Variants in FILIP1L observed in about 807,000 individuals in gnomAD.
FILIP1L encodes the protein filamin A interacting protein 1 like.
FILIP1L carries 55 observed loss-of-function variants against 96.6 expected under a neutral mutation model. The observed-to-expected ratio is 0.57, with a 90% confidence interval of 0.46 to 0.71. The LOEUF is 0.71. FILIP1L is among the 30% of genes least tolerant of loss of function. FILIP1L has a pLI of 0.00. For synonymous variants in FILIP1L, 467 were observed against 473.9 expected (o/e 0.99, Z 0.19); for missense variants, 1,304 against 1,321.2 (o/e 0.99, Z 0.20).
chr3:99,938,615 T>G (rs1366033559), intron 1 of FILIP1L, among the ~76,000 whole-genome samples: 2 of 152,202 alleles, frequency 1.3e-5, no homozygotes, highest in African/African-American at 4.8e-5. Context: ...AAGATTTAGT[T>G]CCCTGAAAGA....
intron 1 of FILIP1L, among the ~76,000 whole-genome samples, chr3:100,050,055 A>C (rs1251583462): frequency 6.6e-6 from 1 of 152,176 alleles, no homozygotes; most frequent in Non-Finnish European, 1.5e-5. Context: ...CTAGTGGCCT[A>C]AGTGAAAAGG....
chr3:100,065,111 G>A (rs1576010952), intron 1 of FILIP1L, among the ~76,000 whole-genome samples: 1 of 152,088 alleles, frequency 6.6e-6, no homozygotes, highest in Non-Finnish European at 1.5e-5. Context: ...AGACAGTATG[G>A]AATGTATATA....
intron 1 of FILIP1L, among the ~76,000 whole-genome samples, chr3:99,947,032 G>A (rs1021678755): frequency 6.6e-6 from 1 of 151,642 alleles, no homozygotes; most frequent in Non-Finnish European, 1.5e-5. Context: ...AGATACTCGG[G>A]AGGCTGAGGC....
At chr3:99,961,380 C>T (rs1708485835) in intron 1 of FILIP1L, among the ~76,000 whole-genome samples, 1 of 152,058 alleles carries the variant, frequency 6.6e-6, no homozygotes, top group Non-Finnish European at 1.5e-5. Flanking sequence ...TAAAATGTAA[C>T]CTTTGATCAT....
chr3:100,002,179 A>G (rs753541632), intron 1 of FILIP1L, among the ~76,000 whole-genome samples: 5 of 152,174 alleles, frequency 3.3e-5, no homozygotes, highest in Admixed American at 6.5e-5. Flanking sequence ...TTTGGAGCTG[A>G]TGGTGTTGTA....
In FILIP1L at chr3:99,829,088, G is replaced by A. The variant is rs574748376; in HGVS notation, c.*1326C>T. On this transcript the variant is annotated 3_prime_UTR_variant, in exon 6 of 6. Coordinates refer to ENST00000477258, the MANE Select transcript of FILIP1L (RefSeq NM_001387850.1). ...CTTAGTTAGATAAGTATGGGGAATG[G>A]GAGTTCCTTTACTCTTGCTCTGCTG... Among the ~76,000 whole-genome samples the A allele has an allele frequency of 1.2e-4, 18 of 152,206 alleles. No individual in the cohort carries two copies. Among genetic ancestry groups the A allele is most frequent in the African/African-American group, 3.9e-4 (16 of 41,534 alleles).
chr3:100,021,997 T>C (rs1356067528), intron 1 of FILIP1L, among the ~76,000 whole-genome samples: 2 of 133,564 alleles, frequency 1.5e-5, no homozygotes, highest in Non-Finnish European at 3.3e-5. Context: ...GAGAGAGATA[T>C]GAGGGGGGCA....
chr3:99,904,305 G>T (rs1418112137), intron 4 of FILIP1L, among the ~76,000 whole-genome samples: 2 of 152,170 alleles, frequency 1.3e-5, no homozygotes, highest in Non-Finnish European at 2.9e-5. Context: ...TCTTGGAAGA[G>T]ATCTTTCAGT....
At chr3:99,831,240 C>G (rs891185354) in intron 5 of FILIP1L, among the ~76,000 whole-genome samples, 6 of 152,126 alleles carry the variant, frequency 3.9e-5, no homozygotes, top group Non-Finnish European at 5.9e-5. Flanking sequence ...GAGGCCAAAG[C>G]TTCAGGAAAA....
At chr3:99,853,681 T>TC (rs2107535466) in intron 4 of FILIP1L, among the ~76,000 whole-genome samples, 1 of 152,328 alleles carries the variant, frequency 6.6e-6, no homozygotes, top group South Asian at 2.1e-4. Flanking sequence ...TTAGTTGGCA[T>TC]CCCCATCTGT....
chr3:100,111,068 C>T (rs2066482689), intron 1 of FILIP1L, among the ~76,000 whole-genome samples: 1 of 152,042 alleles, frequency 6.6e-6, no homozygotes, highest in African/African-American at 2.4e-5. Context: ...GCCCAGTTCG[C>T]CATATTCTAC....
chr3:99,922,556 A>G (rs1297643925), intron 4 of FILIP1L, among the ~76,000 whole-genome samples: 1 of 152,206 alleles, frequency 6.6e-6, no homozygotes, highest in African/African-American at 2.4e-5. Flanking sequence ...AAAATAAATG[A>G]AAGTTTGCTA....
intron 1 of FILIP1L, among the ~76,000 whole-genome samples, chr3:100,079,245 TAA>T (rs1370511132): frequency 2.0e-5 from 3 of 152,178 alleles, no homozygotes; most frequent in Non-Finnish European, 4.4e-5. Flanking sequence ...CCCAAAGTGG[TAA>T]AGAGTTACTA....
At chr3:100,007,705 AG>A (rs1683800175) in intron 1 of FILIP1L, among the ~76,000 whole-genome samples, 1 of 152,236 alleles carries the variant, frequency 6.6e-6, no homozygotes, top group African/African-American at 2.4e-5. Context: ...TGGAAGCTAC[AG>A]TATCGTGTAG....
intron 1 of FILIP1L, among the ~76,000 whole-genome samples, chr3:100,057,884 T>C (rs776285655): frequency 1.3e-5 from 2 of 152,340 alleles, no homozygotes; most frequent in Admixed American, 6.5e-5. Context: ...CCAACTTCTA[T>C]GTATTCCTCA....
chr3:100,101,252 C>T (rs893491281), intron 1 of FILIP1L, among the ~76,000 whole-genome samples: 2 of 152,122 alleles, frequency 1.3e-5, no homozygotes, highest in African/African-American at 4.8e-5. Flanking sequence ...TACTGAGGGA[C>T]AGTTAATACT....
intron 4 of FILIP1L, among the ~76,000 whole-genome samples, chr3:99,915,187 A>T (rs976587687): frequency 6.6e-6 from 1 of 152,166 alleles, no homozygotes; most frequent in African/African-American, 2.4e-5. Flanking sequence ...TCCCATGACC[A>T]TGCTAACCGA....
At chr3:99,895,377 CTT>C (rs35156845) in intron 4 of FILIP1L, among the ~76,000 whole-genome samples, 152 of 128,016 alleles carry the variant, frequency 1.2e-3, no homozygotes, top group African/African-American at 3.4e-3. Flanking sequence ...GTCAGCAGGA[CTT>C]TTTTTTTTTT....
chr3:100,071,548 G>T (rs1559747679), intron 1 of FILIP1L, among the ~76,000 whole-genome samples: 1 of 152,118 alleles, frequency 6.6e-6, no homozygotes, highest in Non-Finnish European at 1.5e-5. Flanking sequence ...ATAGCCCAAG[G>T]GTGTGGGTCT....
Sources: gnomAD v4.1 joint callset for allele counts (sites outside exome capture counted in the v4.1 genomes callset) on GRCh38, gnomAD v4.1.1 for gene constraint, MANE v1.5 for transcripts, NCBI Gene and HGNC (gene_info 2026-07-23, HGNC 2026-07-21) for gene names.